The following SRSF4 variants were observed in gnomAD, a reference collection of about 807,000 sequenced individuals.
SRSF4 encodes the protein serine and arginine rich splicing factor 4.
A neutral mutation model predicts 48.8 loss-of-function variants in SRSF4; 12 were observed. The observed-to-expected ratio is 0.25, with a 90% CI of 0.16 to 0.40. The LOEUF is 0.40. SRSF4 is among the 10% of genes least tolerant of loss of function. The pLI is 1.00. For synonymous variants in SRSF4, 248 were observed against 232.5 expected (o/e 1.07, Z -0.61); for missense variants, 466 against 667.1 (o/e 0.70, Z 3.32).
chr1:29,177,376 G>T (rs1383834811), intron 1 of SRSF4, among the ~76,000 whole-genome samples: 1 of 151,590 alleles, frequency 6.6e-6, no homozygotes, highest in African/African-American at 2.4e-5. Context: ...ATGCCTCTGA[G>T]GTTCAAGTGA....
rs1179996598 is a variant in SRSF4 at position 29,149,690 on chromosome 1, A to G, written c.668+413T>C. On this transcript the variant is annotated intron_variant, in intron 5 of 5. Transcript: ENST00000373795. ...AGCGAGACTCTGTCTTGAGGGGGGAAAAAAAAAAAAAAAAAGAAAAAGAAG... is the reference window on the plus strand; with the variant it reads ...AGCGAGACTCTGTCTTGAGGGGGGAGAAAAAAAAAAAAAAAGAAAAAGAAG... 5.3e-4 allele frequency among the ~76,000 whole-genome samples: 45 copies of G among 85,518 alleles called. 1 individual carries two copies. Among genetic ancestry groups the G allele is most frequent in the East Asian group, 3.5e-3 (6 of 1,714 alleles). 56.1% of individuals were successfully genotyped at this position (85,518 alleles called of 152,430 possible).
In SRSF4 at chr1:29,149,151, C is replaced by G; in HGVS notation, c.744G>C (p.Arg248Ser). Residue 248 changes from arginine (R) to serine (S), a missense_variant, in exon 6 of 6, where the codon AGG (arginine) becomes AGC (serine). Arg to Ser is a moderately radical substitution (Grantham distance 110, BLOSUM62 -1). This residue lies in a region of SRSF4 where 402 missense variants were observed against 437.0 expected (regional missense o/e 0.92). Coordinates refer to ENST00000373795, the MANE Select transcript of SRSF4 (RefSeq NM_005626.5). ...SRSRSKKEKS[R>S]SPSKEKSRSR... Reference sequence around the variant, plus strand: ...TGCGGCTCTTTTCCTTGCTGGGGCTCCTGCTTTTCTCTTTCTTGCTCCGGC... The same window carrying G: ...TGCGGCTCTTTTCCTTGCTGGGGCTGCTGCTTTTCTCTTTCTTGCTCCGGC... The G allele has an allele frequency of 1.9e-6, 3 of 1,607,478 alleles. No homozygotes were observed. The highest frequency in any genetic ancestry group is 2.5e-6 in the Non-Finnish European group (3 of 1,176,506).
intron 1 of SRSF4, among the ~76,000 whole-genome samples, chr1:29,162,818 G>A (rs774279838): frequency 1.3e-5 from 2 of 152,196 alleles, no homozygotes; most frequent in Non-Finnish European, 2.9e-5. Flanking sequence ...AAATAGTGAA[G>A]GGTTACAACT....
At chr1:29,159,093 G>T (rs1027653937) in intron 3 of SRSF4, among the ~76,000 whole-genome samples, 1 of 148,790 alleles carries the variant, frequency 6.7e-6, no homozygotes, top group Non-Finnish European at 1.5e-5. Context: ...GCAACACAGC[G>T]AGACTCCATC....
rs778748442 is a variant in SRSF4, at chr1:29,149,223, C to G, written c.672G>C (p.Ser224=). The change falls in exon 6 of 6, where the codon TCG becomes TCC. Residue 224 remains serine, a synonymous_variant. Transcript: ENST00000373795. ...SHSKSRSRSR[S]GSRSRSKSRS... is the part of the protein sequence containing the mutation. ...GGCTCTTGCTCCGGGAGCGGGAGCC[C>G]GACCTGAGGAGACATGGGATACTGT... 1 of 1,606,240 alleles carries G rather than the reference C, an allele frequency of 6.2e-7. No homozygotes were observed. The highest frequency in any genetic ancestry group is 8.5e-7 in the Non-Finnish European group (1 of 1,179,798).
chr1:29,178,621 G>T (rs1269384311), intron 1 of SRSF4, among the ~76,000 whole-genome samples: 1 of 152,060 alleles, frequency 6.6e-6, no homozygotes, highest in Non-Finnish European at 1.5e-5. Context: ...CTCCCAAAGT[G>T]CTGGGATTAC....
intron 2 of SRSF4, 77 bp from the exon 3 acceptor site, chr1:29,159,563 T>C: frequency 1.2e-6 from 1 of 860,502 alleles, no homozygotes; most frequent in Non-Finnish European, 1.8e-6. Context: ...CACCCCCCCT[T>C]AAATATATTA....
intron 1 of SRSF4, among the ~76,000 whole-genome samples, chr1:29,176,428 C>T (rs530077607): frequency 1.3e-5 from 2 of 149,802 alleles, no homozygotes; most frequent in East Asian, 1.9e-4. Context: ...ATTAAGAATA[C>T]GGTAACGATG....
chr1:29,174,019 T>C (rs1364931783), intron 1 of SRSF4, among the ~76,000 whole-genome samples: 1 of 151,302 alleles, frequency 6.6e-6, no homozygotes, highest in African/African-American at 2.4e-5. Flanking sequence ...TGAAACTGTG[T>C]CTCTACTAAA....
At chr1:29,178,172 T>C (rs981650055) in intron 1 of SRSF4, among the ~76,000 whole-genome samples, 3 of 152,074 alleles carry the variant, frequency 2.0e-5, no homozygotes, top group Admixed American at 2.0e-4. Context: ...GGTGATGGGA[T>C]TACAGGTGTG....
intron 3 of SRSF4, 47 bp from the exon 4 acceptor site, chr1:29,154,957 AATAT>A: frequency 1.6e-5 from 25 of 1,528,760 alleles, no homozygotes; most frequent in Non-Finnish European, 2.2e-5. Context: ...GTTTTGCTAA[AATAT>A]CTAATGCAAT....
At chr1:29,159,185 C>G (rs1018803109) in intron 3 of SRSF4, among the ~76,000 whole-genome samples, 189 bp downstream of exon 3, 6 of 152,140 alleles carry the variant, frequency 3.9e-5, no homozygotes, top group Non-Finnish European at 7.4e-5. Flanking sequence ...GATGGTCCCA[C>G]AATGTATAGC....
chr1:29,170,245 C>T (rs1359527224), intron 1 of SRSF4: 1 of 151,930 alleles, frequency 6.6e-6, no homozygotes, highest in Non-Finnish European at 1.5e-5. Flanking sequence ...AAATTAAAAA[C>T]GATTTGAAAA....
chr1:29,174,675 G>GT (rs35283951), intron 1 of SRSF4, among the ~76,000 whole-genome samples: 17,550 of 130,660 alleles, frequency 0.13, 1,638 homozygotes, highest in East Asian at 0.4. Flanking sequence ...CAGGAGATAG[G>GT]TTTTTTTTTT....
intron 1 of SRSF4, chr1:29,170,303 G>C (rs991669735): frequency 1.3e-5 from 2 of 152,100 alleles, no homozygotes; most frequent in African/African-American, 4.8e-5. Context: ...AAAACTCTTG[G>C]GATTTAATAT....
At chr1:29,159,093 G>C (rs1027653937) in intron 3 of SRSF4, among the ~76,000 whole-genome samples, 27 of 148,790 alleles carry the variant, frequency 1.8e-4, no homozygotes, top group Non-Finnish European at 2.2e-4. Flanking sequence ...GCAACACAGC[G>C]AGACTCCATC....
chr1:29,161,711 G>A (rs1429969667), intron 1 of SRSF4, among the ~76,000 whole-genome samples: 1 of 152,226 alleles, frequency 6.6e-6, no homozygotes, highest in Non-Finnish European at 1.5e-5. Context: ...TGATTCTCCT[G>A]CCTCAGCCTC....
At chr1:29,160,615 T>C in intron 1 of SRSF4, 98 bp from the exon 2 acceptor site, 1 of 1,401,088 alleles carries the variant, frequency 7.1e-7, no homozygotes, top group Admixed American at 2.6e-5. Flanking sequence ...TAGCAAAGGT[T>C]AGGTGGATTT....
intron 3 of SRSF4, 49 bp downstream of exon 3, chr1:29,159,325 A>C: frequency 7.3e-7 from 1 of 1,374,886 alleles, no homozygotes. Flanking sequence ...CTGTTTCCCA[A>C]CTTTAACTCC....
Sources: allele counts gnomAD v4.1 joint callset (sites outside exome capture counted in the v4.1 genomes callset), GRCh38; gene constraint gnomAD v4.1.1; regional missense constraint gnomAD v4.1.1; transcripts MANE v1.5; gene names NCBI Gene and HGNC (gene_info 2026-07-23, HGNC 2026-07-21).